DUSP10: variants seen among roughly 807,000 people sequenced by gnomAD.
DUSP10 encodes the protein dual specificity protein phosphatase 10.
In DUSP10, 14 loss-of-function variants were observed where a neutral mutation model predicts 30.8. That is an observed-to-expected ratio of 0.46 (90% CI 0.30 to 0.71). The LOEUF is 0.71. Ranked by LOEUF, DUSP10 falls within the 30% of genes least tolerant of loss-of-function variation. The pLI is 0.08. For missense variants in DUSP10, 550 were observed against 619.4 expected (o/e 0.89, Z 1.19); for synonymous variants, 254 against 250.4 (o/e 1.01, Z -0.14).
Position 221,701,825 on chromosome 1 carries a change from A to G in DUSP10, c.*587T>C, listed in dbSNP as rs1376705339. On this transcript the variant is annotated 3_prime_UTR_variant, in exon 4 of 4. Coordinates refer to ENST00000366899, the MANE Select transcript of DUSP10 (RefSeq NM_007207.6). ...TAAACCCAGAGAAGGAAAAAAAAAA[A>G]AAATCCAGAGCATGAAACACACAAA... 6.6e-6 allele frequency: 1 copy of G among 152,536 alleles called. No homozygotes were observed. The highest frequency in any genetic ancestry group is 1.5e-5 in the Non-Finnish European group (1 of 68,048). The allele number at this position is 152,536 out of a possible 1,614,324, so 9.4% of individuals were successfully genotyped here.
chr1:221,713,095 G>A (rs1052386699), intron 2 of DUSP10, among the ~76,000 whole-genome samples: 1 of 152,220 alleles, frequency 6.6e-6, no homozygotes. Flanking sequence ...GTCAATGTCA[G>A]TGTTGCTAGA....
chr1:221,730,674 A>G (rs1661562432), intron 2 of DUSP10, among the ~76,000 whole-genome samples: 1 of 152,218 alleles, frequency 6.6e-6, no homozygotes, highest in South Asian at 2.1e-4. Context: ...AAGAGCCTTT[A>G]TCTTATATGA....
At chr1:221,705,547 C>T (rs1660733063) in intron 3 of DUSP10, among the ~76,000 whole-genome samples, 2 of 152,228 alleles carry the variant, frequency 1.3e-5, no homozygotes, top group Admixed American at 6.5e-5. Context: ...ACTCCGTCTA[C>T]ACAACCTGAT....
At chr1:221,723,144 T>C in intron 2 of DUSP10, among the ~76,000 whole-genome samples, 1 of 152,182 alleles carries the variant, frequency 6.6e-6, no homozygotes, top group East Asian at 1.9e-4. Flanking sequence ...GCTAACATGA[T>C]GCCAACTGGG....
chr1:221,736,929 C>G, intron 2 of DUSP10: 11 of 985,428 alleles, frequency 1.1e-5, no homozygotes, highest in Non-Finnish European at 1.2e-5. Flanking sequence ...CTGCCCAGGG[C>G]GCCCAGTGGT....
intron 2 of DUSP10, among the ~76,000 whole-genome samples, chr1:221,724,136 C>T (rs1661355416): frequency 6.6e-6 from 1 of 152,204 alleles, no homozygotes; most frequent in Non-Finnish European, 1.5e-5. Context: ...CTCTATTATA[C>T]AACAGTTTCT....
At chr1:221,716,331 G>T (rs1018381773) in intron 2 of DUSP10, among the ~76,000 whole-genome samples, 5 of 152,140 alleles carry the variant, frequency 3.3e-5, no homozygotes, top group Admixed American at 6.5e-5. Context: ...TCTCACAAAG[G>T]TTTCAGTAAG....
At chr1:221,733,695 G>A (rs1661682667) in intron 2 of DUSP10, among the ~76,000 whole-genome samples, 1 of 152,188 alleles carries the variant, frequency 6.6e-6, no homozygotes, top group Non-Finnish European at 1.5e-5. Context: ...TAGGATGCTG[G>A]AGCTGTCCCT....
At chr1:221,720,299 C>G (rs1172505860) in intron 2 of DUSP10, among the ~76,000 whole-genome samples, 1 of 152,190 alleles carries the variant, frequency 6.6e-6, no homozygotes, top group East Asian at 1.9e-4. Flanking sequence ...CCGCATCCCC[C>G]AACCTCCAGG....
chr1:221,738,796 G>A (rs947558993), intron 2 of DUSP10, 138 bp downstream of exon 2: 1 of 1,134,846 alleles, frequency 8.8e-7, no homozygotes, highest in Admixed American at 2.6e-5. Context: ...ACAATAAAGA[G>A]CATAGAAGGG....
intron 2 of DUSP10, among the ~76,000 whole-genome samples, chr1:221,736,341 C>A (rs1287881321): frequency 6.6e-6 from 1 of 152,192 alleles, no homozygotes; most frequent in East Asian, 1.9e-4. Flanking sequence ...AATAAACTAA[C>A]AAGCCTTTAG....
At chr1:221,708,432 T>C (rs1660831267) in intron 2 of DUSP10, among the ~76,000 whole-genome samples, 1 of 152,226 alleles carries the variant, frequency 6.6e-6, no homozygotes, top group African/African-American at 2.4e-5. Context: ...CATATTTTCC[T>C]TAAGGTATGG....
chr1:221,738,889 C>T, intron 2 of DUSP10, 45 bp downstream of exon 2: 1 of 1,537,328 alleles, frequency 6.5e-7, no homozygotes, highest in Admixed American at 2.1e-5. Flanking sequence ...CCAAAGTGAA[C>T]CCGGCTAATC....
intron 2 of DUSP10, among the ~76,000 whole-genome samples, chr1:221,714,569 G>C (rs1661040147): frequency 6.6e-6 from 1 of 152,118 alleles, no homozygotes; most frequent in African/African-American, 2.4e-5. Context: ...CCTGAGTGCT[G>C]TGTAAACCTC....
At chr1:221,713,404 G>GA (rs1361250204) in intron 2 of DUSP10, among the ~76,000 whole-genome samples, 2 of 151,546 alleles carry the variant, frequency 1.3e-5, no homozygotes, top group Non-Finnish European at 2.9e-5. Context: ...CAGAAGCCTT[G>GA]AAAAAAAAGA....
intron 1 of DUSP10, 105 bp from the exon 2 acceptor site, chr1:221,739,892 G>A (rs954883571): frequency 2.5e-5 from 30 of 1,196,996 alleles, no homozygotes; most frequent in Non-Finnish European, 3.0e-5. Flanking sequence ...GAGCAAAGTC[G>A]TCCTAATTGC....
intron 2 of DUSP10, among the ~76,000 whole-genome samples, chr1:221,708,350 C>T (rs1660828480): frequency 6.6e-6 from 1 of 152,210 alleles, no homozygotes; most frequent in South Asian, 2.1e-4. Context: ...AACTCCAGAC[C>T]ATAACCTAGA....
chr1:221,739,496 C>T lies in DUSP10; in HGVS notation c.249G>A (p.Val83=). The change falls in exon 2 of 4, where the codon GTG becomes GTA. Residue 83 remains valine, a synonymous_variant. Coordinates refer to ENST00000366899, the MANE Select transcript of DUSP10 (RefSeq NM_007207.6). ...CCTGATTGTCCTTGTCGTAGGTTGCCACAGTGCAGCAGCTGGCACTGCTGC... is the reference window on the plus strand; with the variant it reads ...CCTGATTGTCCTTGTCGTAGGTTGCTACAGTGCAGCAGCTGGCACTGCTGC... ...CGCSSASCCT[V]ATYDKDNQAQ... The T allele has an allele frequency of 1.9e-6, 3 of 1,614,134 alleles. No homozygotes were observed. The highest frequency in any genetic ancestry group is 2.5e-6 in the Non-Finnish European group (3 of 1,180,032).
At chr1:221,727,863 G>A (rs1280345496) in intron 2 of DUSP10, among the ~76,000 whole-genome samples, 1 of 152,152 alleles carries the variant, frequency 6.6e-6, no homozygotes, top group Non-Finnish European at 1.5e-5. Flanking sequence ...GGACCTGAGT[G>A]TTTGGGGTGA....
Sources: gnomAD v4.1 joint callset for allele counts (sites outside exome capture counted in the v4.1 genomes callset) on GRCh38, gnomAD v4.1.1 for gene constraint, MANE v1.5 for transcripts, NCBI Gene and HGNC (gene_info 2026-07-23, HGNC 2026-07-21) for gene names.